C1QTNF3: variants seen among roughly 807,000 people sequenced by gnomAD.
C1QTNF3 encodes C1q and TNF related 3.
Under a neutral mutation model 32.6 loss-of-function variants are expected in C1QTNF3, and 26 were observed. The observed-to-expected ratio is 0.80, with a 90% CI of 0.58 to 1.11. The LOEUF (loss-of-function observed/expected upper bound fraction) is 1.11. Ranked by LOEUF, C1QTNF3 falls within the 50% of genes least tolerant of loss-of-function variation. The pLI, the probability that C1QTNF3 is intolerant of heterozygous loss-of-function variation, is 0.00. For synonymous variants in C1QTNF3, 155 were observed against 146.0 expected (o/e 1.06, Z -0.44); for missense variants, 362 against 398.2 (o/e 0.91, Z 0.77).
the C1QTNF3 span, among the ~76,000 whole-genome samples, chr5:34,240,352 A>C: frequency 2.0e-5 from 3 of 151,952 alleles, no homozygotes; most frequent in Non-Finnish European, 4.4e-5. Context: ...GTTGATTTAA[A>C]AAAAGAGATT....
chr5:34,131,069 T>C, the C1QTNF3 span, among the ~76,000 whole-genome samples: 5,442 of 152,316 alleles, frequency 0.036, 150 homozygotes, highest in Non-Finnish European at 0.05. Flanking sequence ...CAACTGAATA[T>C]TTTATTACAT....
the C1QTNF3 span, among the ~76,000 whole-genome samples, chr5:34,123,271 C>T: frequency 6.6e-6 from 1 of 152,146 alleles, no homozygotes; most frequent in Non-Finnish European, 1.5e-5. Context: ...AGAGCTGCAG[C>T]CCTTACAATT....
chr5:34,145,678 C>CAAAAAAAAAAAAAAAAAAAAAA, the C1QTNF3 span, among the ~76,000 whole-genome samples: 2 of 96,944 alleles, frequency 2.1e-5, no homozygotes, highest in African/African-American at 4.1e-5. Context: ...AGAGACACAG[C>CAAAAAAAAAAAAAAAAAAAAAA]AAAAAAAAAA....
At chr5:34,154,050 T>C in the C1QTNF3 span, among the ~76,000 whole-genome samples, 1 of 151,822 alleles carries the variant, frequency 6.6e-6, no homozygotes, top group African/African-American at 2.4e-5. Flanking sequence ...AAAAATGTCA[T>C]TTGGTATAAA....
chr5:34,031,835 C>T (rs370820712), intron 3 of C1QTNF3, among the ~76,000 whole-genome samples: 20 of 152,064 alleles, frequency 1.3e-4, no homozygotes, highest in Admixed American at 5.9e-4. Flanking sequence ...CAAAACAAAA[C>T]GGCTTTCATT....
the C1QTNF3 span, among the ~76,000 whole-genome samples, chr5:34,208,493 G>GTT: frequency 2.1e-5 from 3 of 143,956 alleles, no homozygotes; most frequent in African/African-American, 7.6e-5. Context: ...CTCTTTCACA[G>GTT]TTTTTTTTTT....
the C1QTNF3 span, among the ~76,000 whole-genome samples, chr5:34,118,133 G>GC: frequency 1.3e-5 from 2 of 152,128 alleles, no homozygotes; most frequent in African/African-American, 4.8e-5. Context: ...AGGCTGGAGT[G>GC]CAGGGGCATG....
the C1QTNF3 span, among the ~76,000 whole-genome samples, chr5:34,215,336 A>G: frequency 6.6e-6 from 1 of 152,112 alleles, no homozygotes; most frequent in Non-Finnish European, 1.5e-5. Context: ...AAGAAACACA[A>G]TTTGGAAAAA....
chr5:34,021,218 G>T (rs551765367), intron 5 of C1QTNF3, among the ~76,000 whole-genome samples: 2 of 152,338 alleles, frequency 1.3e-5, no homozygotes, highest in East Asian at 3.9e-4. Flanking sequence ...AAATAGGCTT[G>T]CACTGGCTCA....
chr5:34,052,948 C>T, the C1QTNF3 span, among the ~76,000 whole-genome samples: 2 of 152,190 alleles, frequency 1.3e-5, no homozygotes, highest in Non-Finnish European at 2.9e-5. Context: ...CTGAATTCAG[C>T]TCCAGATACT....
At chr5:34,118,463 G>A in the C1QTNF3 span, among the ~76,000 whole-genome samples, 1 of 152,150 alleles carries the variant, frequency 6.6e-6, no homozygotes, top group African/African-American at 2.4e-5. Context: ...AGCTGGGATT[G>A]ACAACAACAC....
At chr5:34,065,677 A>T in the C1QTNF3 span, among the ~76,000 whole-genome samples, 1 of 151,750 alleles carries the variant, frequency 6.6e-6, no homozygotes, top group African/African-American at 2.4e-5. Flanking sequence ...CAAAAAAAAA[A>T]GTCAAAAAAC....
intron 3 of C1QTNF3, among the ~76,000 whole-genome samples, chr5:34,032,830 G>A (rs1258962981): frequency 1.3e-5 from 2 of 152,054 alleles, no homozygotes; most frequent in African/African-American, 2.4e-5. Flanking sequence ...CAAAATCTGA[G>A]TTGAGAGAAA....
At chr5:34,172,712 A>G in the C1QTNF3 span, among the ~76,000 whole-genome samples, 18 of 152,230 alleles carry the variant, frequency 1.2e-4, no homozygotes, top group Non-Finnish European at 2.4e-4. Flanking sequence ...GAAGTGAATG[A>G]TATCATGTAT....
the C1QTNF3 span, among the ~76,000 whole-genome samples, chr5:34,175,048 CTTT>C: frequency 5.9e-5 from 8 of 136,566 alleles, no homozygotes; most frequent in East Asian, 1.3e-3. Context: ...TGCCCAGCTC[CTTT>C]TTTTTTTTTT....
rs1350256108 is a variant in C1QTNF3, at chr5:34,019,186, T to A, written c.*1397A>T. On this transcript the variant is annotated 3_prime_UTR_variant, in exon 6 of 6. Coordinates refer to ENST00000382065, the MANE Select transcript of C1QTNF3 (RefSeq NM_181435.6). The stretch of plus-strand genomic sequence containing the variant: ...TATTAGATGGTACATGTAAATTTCC[T>A]ATGACACCTACCTACTGTTTCCTTT... Among the ~76,000 whole-genome samples, 4 of 152,202 alleles carry A rather than the reference T, an allele frequency of 2.6e-5. No individual in the cohort carries two copies. The East Asian group carries it at 7.7e-4, about 29-fold the overall frequency.
At position 34,018,931 on chromosome 5, in the gene C1QTNF3, G is replaced by A. The variant is rs953023439; in HGVS notation, c.*1652C>T. 1.3e-5 allele frequency among the ~76,000 whole-genome samples: 2 copies of A among 151,944 alleles called. No individual in the cohort carries two copies. The highest frequency in any genetic ancestry group is 2.1e-4 in the South Asian group (1 of 4,826). ...CACCTGAGGTCAGGAGTTCCAGACCGGCCTGGTCAACATGGTGAAACCCCA... is the reference window on the plus strand; with the variant it reads ...CACCTGAGGTCAGGAGTTCCAGACCAGCCTGGTCAACATGGTGAAACCCCA... On this transcript the variant is annotated 3_prime_UTR_variant, in exon 6 of 6. Transcript: ENST00000382065.
At chr5:34,046,351 G>A (rs1225957279), upstream of C1QTNF3, among the ~76,000 whole-genome samples, 1 of 152,110 alleles carries the variant, frequency 6.6e-6, no homozygotes. Context: ...TTTTGAATAG[G>A]TCTTTAAAGG....
At chr5:34,051,886 G>A in the C1QTNF3 span, among the ~76,000 whole-genome samples, 2 of 152,190 alleles carry the variant, frequency 1.3e-5, no homozygotes, top group East Asian at 1.9e-4. Flanking sequence ...ACTTACTTTG[G>A]TGGCCATGTG....
Sources: allele counts gnomAD v4.1 joint callset (sites outside exome capture counted in the v4.1 genomes callset), GRCh38; gene constraint gnomAD v4.1.1; transcripts MANE v1.5; gene names NCBI Gene and HGNC (gene_info 2026-07-23, HGNC 2026-07-21).